PRKAG2: variants seen among roughly 807,000 people sequenced by gnomAD.
PRKAG2 encodes the protein 5'-AMP-activated protein kinase subunit gamma-2.
Under a neutral mutation model 69.6 loss-of-function variants are expected in PRKAG2, and 26 were observed. The ratio of observed to expected loss-of-function variants is 0.37; its 90% CI spans 0.27 to 0.52. The LOEUF (loss-of-function observed/expected upper bound fraction) is 0.52, where lower values mean the gene tolerates loss of function less well. Ranked by LOEUF, PRKAG2 falls within the 20% of genes least tolerant of loss-of-function variation. The pLI is 0.90. For missense variants in PRKAG2, 557 were observed against 740.0 expected, an observed-to-expected ratio of 0.75 and a Z score of 2.87; for synonymous variants, 293 against 285.0, an observed-to-expected ratio of 1.03 and a Z score of -0.28.
chr7:151,871,030 A>G (rs1245830271), intron 1 of PRKAG2, among the ~76,000 whole-genome samples: 1 of 151,840 alleles, frequency 6.6e-6, no homozygotes, highest in Non-Finnish European at 1.5e-5. Flanking sequence ...GTCCCCAAAG[A>G]CTTCTGCCTT....
In PRKAG2 at chr7:151,565,343, T is replaced by C; in HGVS notation, c.1437+3A>G. 7.2e-7 allele frequency: 1 copy of C among 1,385,834 alleles called. No homozygotes were observed. Among genetic ancestry groups the C allele is most frequent in the Non-Finnish European group, 1.0e-6 (1 of 995,108 alleles). 85.8% of individuals were successfully genotyped at this position (1,385,834 alleles called of 1,614,324 possible). A position where few individuals can be genotyped will look rare whatever the true frequency, so the allele number is the denominator to read the frequency against. ...ACAGATTGAACAAAATTAAAATACT[T>C]ACAATTACATCAAATTTGGAATAAA... On this transcript the variant is annotated splice_donor_region_variant and intron_variant, in intron 13 of 15. Coordinates refer to ENST00000287878, the MANE Select transcript of PRKAG2 (RefSeq NM_016203.4).
rs567537848 is a variant in PRKAG2, at chr7:151,707,953, C to G, written c.467-32316G>C. 3.3e-5 allele frequency among the ~76,000 whole-genome samples: 5 copies of G among 152,348 alleles called. No homozygotes were observed. In the East Asian group the frequency reaches 5.8e-4, roughly 18 times the overall value. On this transcript the variant is annotated intron_variant, in intron 3 of 15. Coordinates refer to ENST00000287878, the MANE Select transcript of PRKAG2 (RefSeq NM_016203.4). ...CTACCCAGAGAACTCTCGGCCCAAC[C>G]CAGACGGGGCAGGGGAGGACGCACA... is the stretch of plus-strand genomic sequence containing the variant.
chr7:151,697,008 G>T (rs186648866), intron 3 of PRKAG2, among the ~76,000 whole-genome samples: 44 of 152,280 alleles, frequency 2.9e-4, no homozygotes, highest in African/African-American at 8.7e-4. Context: ...CCCCCAGAGC[G>T]CAGGCCCAGG....
Position 151,556,706 on chromosome 7 carries a change from A to T in PRKAG2, c.*495T>A, listed in dbSNP as rs1803853298. 1.3e-5 allele frequency: 2 copies of T among 157,368 alleles called. No homozygotes were observed. The highest frequency in any genetic ancestry group is 4.8e-5 in the African/African-American group (2 of 41,622). 9.7% of individuals were successfully genotyped at this position (157,368 alleles called of 1,614,324 possible). On this transcript the variant is annotated 3_prime_UTR_variant, in exon 16 of 16. Coordinates refer to ENST00000287878, the MANE Select transcript of PRKAG2 (RefSeq NM_016203.4). ...ATTTTAAAGTAATTATTTATATTCA[A>T]ATTACAACTTTTTGACAAATCTAAA...
intron 5 of PRKAG2, among the ~76,000 whole-genome samples, chr7:151,620,112 G>A (rs1270971269): frequency 6.6e-6 from 1 of 152,146 alleles, no homozygotes; most frequent in African/African-American, 2.4e-5. Context: ...GACTCAACCT[G>A]CACCAGGAAT....
At chr7:151,715,773 C>T (rs903309940) in intron 3 of PRKAG2, among the ~76,000 whole-genome samples, 2 of 151,952 alleles carry the variant, frequency 1.3e-5, no homozygotes, top group East Asian at 1.9e-4. Context: ...AGGGAGGCAG[C>T]GAACAGGAAA....
At chr7:151,816,989 C>T (rs539953657) in intron 1 of PRKAG2, among the ~76,000 whole-genome samples, 4 of 152,248 alleles carry the variant, frequency 2.6e-5, no homozygotes, top group African/African-American at 7.2e-5. Flanking sequence ...GTAGTTCTCA[C>T]GGCAGCAATT....
chr7:151,689,628 C>A (rs536442440), intron 3 of PRKAG2, among the ~76,000 whole-genome samples: 34 of 152,298 alleles, frequency 2.2e-4, no homozygotes, highest in Middle Eastern at 3.4e-3. Flanking sequence ...CCCGCCAGGT[C>A]TCCCAGGAGG....
In PRKAG2 at chr7:151,568,836, G is replaced by A. The variant is rs1806873615; in HGVS notation, c.1113C>T (p.Phe371=). Residue 371 remains phenylalanine (F), a synonymous_variant, in exon 11 of 16, where the codon TTC becomes TTT. Transcript: ENST00000287878. ...LVNISPDASL[F]DAVYSLIKNK... is the part of the protein sequence containing the mutation. ...TTTTGATCAAGGAGTATACAGCATC[G>A]AAGAGGCTGTGGGAGAAGTCATTAA... The A allele has an allele frequency of 1.9e-6, 3 of 1,613,718 alleles. No individual in the cohort carries two copies. The highest frequency in any genetic ancestry group is 1.3e-5 in the African/African-American group (1 of 75,028).
intron 6 of PRKAG2, among the ~76,000 whole-genome samples, chr7:151,588,209 G>A (rs7811398): frequency 0.11 from 17,086 of 151,942 alleles, 1,000 homozygotes; most frequent in South Asian, 0.18. Context: ...ACTAACTGAT[G>A]TGGTTTGGCT....
rs759242873 is a variant in PRKAG2, at chr7:151,781,615, C to T, written c.187-184G>A. On this transcript the variant is annotated intron_variant, in intron 2 of 15. Coordinates refer to ENST00000287878, the MANE Select transcript of PRKAG2 (RefSeq NM_016203.4). The surrounding 1 kb of genome is among the most constrained non-coding windows in gnomAD (Gnocchi z 6.1). The stretch of plus-strand genomic sequence containing the variant: ...AATGGTCTGCAGGTAGCACCTGCCC[C>T]AAGGATGGCCCCTCACAGGCTGGCA... Among the ~76,000 whole-genome samples the T allele has an allele frequency of 2.0e-5, 3 of 152,166 alleles. No homozygotes were observed. Among genetic ancestry groups the T allele is most frequent in the Non-Finnish European group, 2.9e-5 (2 of 68,034 alleles).
chr7:151,637,857 T>A (rs1360502708), intron 4 of PRKAG2, among the ~76,000 whole-genome samples: 1 of 152,088 alleles, frequency 6.6e-6, no homozygotes, highest in African/African-American at 2.4e-5. Flanking sequence ...CGTTGCCCTT[T>A]TATGGCAATG....
chr7:151,870,914 G>A (rs1189728993), intron 1 of PRKAG2, among the ~76,000 whole-genome samples: 2 of 152,214 alleles, frequency 1.3e-5, no homozygotes, highest in Non-Finnish European at 2.9e-5. Context: ...CAGCGACTGT[G>A]CAGGCTTTCT....
At chr7:151,693,630 G>A (rs915711817) in intron 3 of PRKAG2, among the ~76,000 whole-genome samples, 1 of 148,820 alleles carries the variant, frequency 6.7e-6, no homozygotes, top group Middle Eastern at 3.6e-3. Flanking sequence ...TGAATGTGTG[G>A]GTCCCTGCCA....
intron 1 of PRKAG2, among the ~76,000 whole-genome samples, chr7:151,821,920 T>G (rs11767132): frequency 0.3 from 45,516 of 151,910 alleles, 7,406 homozygotes; most frequent in Middle Eastern, 0.4. Context: ...TGCACACACA[T>G]ACACACACGC....
intron 3 of PRKAG2, among the ~76,000 whole-genome samples, chr7:151,742,495 G>A (rs1007897396): frequency 2.0e-5 from 3 of 152,082 alleles, no homozygotes; most frequent in South Asian, 2.1e-4. Flanking sequence ...GTGATGGTGC[G>A]CACCTGTAGT....
In PRKAG2 at chr7:151,623,363, C is replaced by CAAAAAAAAA. The variant is rs71198724; in HGVS notation, c.754+8697_754+8705dup. 3.0e-4 allele frequency among the ~76,000 whole-genome samples: 11 copies of CAAAAAAAAA among 36,674 alleles called. 1 individual carries two copies. The highest frequency in any genetic ancestry group is 5.1e-4 in the Admixed American group (1 of 1,962). The allele number at this position is 36,674 out of a possible 152,430, so 24.1% of individuals were successfully genotyped here. A position where few individuals can be genotyped will look rare whatever the true frequency, so the allele number is the denominator to read the frequency against. On this transcript the variant is annotated intron_variant, in intron 5 of 15. Transcript: ENST00000287878. ...TGGGCAACAGAGCAAGACTCTGTCT[C>CAAAAAAAAA]AAAAAAAAAAAAAAAAAAAAAAAAA...
intron 1 of PRKAG2, among the ~76,000 whole-genome samples, chr7:151,834,784 G>C (rs1287938290): frequency 1.3e-5 from 2 of 152,208 alleles, no homozygotes; most frequent in Non-Finnish European, 2.9e-5. Flanking sequence ...GAGTCTCCTG[G>C]GGGGCTTTGA....
chr7:151,811,796 G>A (rs771283921), intron 1 of PRKAG2, among the ~76,000 whole-genome samples: 1 of 152,164 alleles, frequency 6.6e-6, no homozygotes, highest in Non-Finnish European at 1.5e-5. Flanking sequence ...TACGTCACCA[G>A]CCCCCAACAA....
Sources: allele counts gnomAD v4.1 joint callset (sites outside exome capture counted in the v4.1 genomes callset), GRCh38; gene constraint gnomAD v4.1.1; non-coding constraint Gnocchi (gnomAD v3.1); transcripts MANE v1.5; gene names NCBI Gene and HGNC (gene_info 2026-07-23, HGNC 2026-07-21).